CSMD1: variants seen among roughly 807,000 people sequenced by gnomAD.
CSMD1 encodes the protein CUB and sushi domain-containing protein 1.
In CSMD1, 213 loss-of-function variants were observed where a neutral mutation model predicts 417.5. The ratio of observed to expected loss-of-function variants is 0.51; its 90% confidence interval spans 0.46 to 0.57. CSMD1 has a LOEUF of 0.57. Ranked by LOEUF, CSMD1 falls within the 20% of genes least tolerant of loss-of-function variation. The pLI, the probability that CSMD1 is intolerant of heterozygous loss-of-function variation, is 0.00. For synonymous variants in CSMD1, 2,862 were observed against 1,736.8 expected (o/e 1.65, Z -16.11); for missense variants, 6,923 against 4,529.7 (o/e 1.53, Z -15.17).
chr8:3,141,940 GGC>G (rs1478615134), intron 41 of CSMD1, among the ~76,000 whole-genome samples: 1 of 151,694 alleles, frequency 6.6e-6, no homozygotes, highest in Non-Finnish European at 1.5e-5. Context: ...TGGGACTACA[GGC>G]GCCCGCCACT....
In CSMD1 at chr8:3,896,628, C is replaced by T. The variant is rs111283776; in HGVS notation, c.818+101275G>A. Among the ~76,000 whole-genome samples, 3 of 152,066 alleles carry T rather than the reference C, an allele frequency of 2.0e-5. No individual in the cohort carries two copies. In the South Asian group the frequency reaches 6.2e-4, roughly 32 times the overall value. ...CCAGGTTCACGCCATTCTCCTGCCT[C>T]AGCCTCCCGAGTAGCTGGGACTACA... On this transcript the variant is annotated intron_variant, in intron 5 of 69. Transcript: ENST00000635120.
chr8:4,513,855 T>C (rs1802958195), intron 2 of CSMD1, among the ~76,000 whole-genome samples: 2 of 152,170 alleles, frequency 1.3e-5, no homozygotes, highest in African/African-American at 4.8e-5. Flanking sequence ...ATAAAATTAT[T>C]TTCCTCTCTA....
intron 2 of CSMD1, among the ~76,000 whole-genome samples, chr8:4,511,727 C>A (rs927210074): frequency 6.6e-6 from 1 of 152,084 alleles, no homozygotes; most frequent in Non-Finnish European, 1.5e-5. Context: ...GCTCAGTGTT[C>A]CCCAAGAGAA....
chr8:3,188,541 A>G lies in CSMD1; in HGVS notation c.5523+346T>C, dbSNP rs947868884. Among the ~76,000 whole-genome samples the G allele has an allele frequency of 5.9e-5, 9 of 151,980 alleles. 1 individual carries two copies. The South Asian group carries it at 6.2e-4, about 11-fold the overall frequency. Reference sequence around the variant, plus strand: ...AGGCTAGTCTTGAACTCCTGACATCAAGTGATCTTCCTGTCTTGGCTTCCC... The same window carrying G: ...AGGCTAGTCTTGAACTCCTGACATCGAGTGATCTTCCTGTCTTGGCTTCCC... On this transcript the variant is annotated intron_variant, in intron 35 of 69. Coordinates refer to ENST00000635120, the MANE Select transcript of CSMD1 (RefSeq NM_033225.6).
chr8:4,318,159 T>A (rs1722513893), intron 3 of CSMD1, among the ~76,000 whole-genome samples: 1 of 152,276 alleles, frequency 6.6e-6, no homozygotes, highest in Non-Finnish European at 1.5e-5. Context: ...AATATGAACA[T>A]TCTAATATTG....
intron 5 of CSMD1, among the ~76,000 whole-genome samples, chr8:3,968,211 A>C (rs1217731109): frequency 6.6e-6 from 1 of 150,498 alleles, no homozygotes; most frequent in Non-Finnish European, 1.5e-5. Flanking sequence ...ATAATAATAA[A>C]TAATAAAAAA....
At chr8:4,352,190 G>A (rs923765682) in intron 3 of CSMD1, among the ~76,000 whole-genome samples, 3 of 152,070 alleles carry the variant, frequency 2.0e-5, no homozygotes, top group African/African-American at 2.4e-5. Flanking sequence ...CATTGCCTGG[G>A]ATGAATAAGC....
chr8:2,949,546 A>T (rs1335654368), intron 67 of CSMD1, among the ~76,000 whole-genome samples, 160 bp from the exon 68 acceptor site: 3 of 107,808 alleles, frequency 2.8e-5, no homozygotes, highest in Non-Finnish European at 5.8e-5. Context: ...ACACATTTAT[A>T]GTTAAAGATC....
intron 3 of CSMD1, among the ~76,000 whole-genome samples, chr8:4,238,443 C>T (rs1447419338): frequency 2.6e-5 from 4 of 152,070 alleles, no homozygotes; most frequent in Admixed American, 2.6e-4. Context: ...ACTGTGATTC[C>T]CTCATGGACA....
intron 21 of CSMD1, among the ~76,000 whole-genome samples, chr8:3,354,987 T>G (rs78857226): frequency 1.1e-5 from 1 of 92,922 alleles, no homozygotes; most frequent in African/African-American, 5.6e-5. Context: ...AGATATAAAT[T>G]AAACTAGATA....
At chr8:4,059,078 T>A (rs1798840182) in intron 3 of CSMD1, among the ~76,000 whole-genome samples, 1 of 152,044 alleles carries the variant, frequency 6.6e-6, no homozygotes, top group Admixed American at 6.6e-5. Flanking sequence ...AGAACAGAAA[T>A]TATAACAAAC....
rs568402650 is a variant in CSMD1, at chr8:4,052,753, T to A, written c.416-20654A>T. Among the ~76,000 whole-genome samples the A allele has an allele frequency of 1.1e-4, 16 of 151,240 alleles. No individual in the cohort carries two copies. In the East Asian group the frequency reaches 1.2e-3, roughly 11 times the overall value. ...CACCACATGATAAAAGAACAAGTTT[T>A]AAAAAAAAATGGGATATCTGAGGAC... On this transcript the variant is annotated intron_variant, in intron 3 of 69. Transcript: ENST00000635120.
chr8:3,337,322 TG>T (rs1469664309), intron 23 of CSMD1, among the ~76,000 whole-genome samples: 10 of 152,236 alleles, frequency 6.6e-5, no homozygotes, highest in African/African-American at 2.4e-4. Flanking sequence ...TAAACCTTTT[TG>T]TATCTATTCA....
chr8:3,447,558 C>G (rs894382119), intron 12 of CSMD1, among the ~76,000 whole-genome samples: 2 of 152,164 alleles, frequency 1.3e-5, no homozygotes, highest in African/African-American at 4.8e-5. Context: ...AACCACTGTT[C>G]ACAGAGGGCG....
chr8:4,048,538 C>T (rs770586083), intron 3 of CSMD1, among the ~76,000 whole-genome samples: 3 of 152,110 alleles, frequency 2.0e-5, no homozygotes, highest in Non-Finnish European at 4.4e-5. Context: ...GGTTTATAAA[C>T]CAAGTAAAAG....
At chr8:4,731,158 C>T (rs965322329) in intron 1 of CSMD1, among the ~76,000 whole-genome samples, 3 of 152,158 alleles carry the variant, frequency 2.0e-5, no homozygotes, top group African/African-American at 7.2e-5. Flanking sequence ...ATTTAACTTT[C>T]CGAGCTGTAA....
chr8:4,024,635 C>T (rs371989811), intron 4 of CSMD1, among the ~76,000 whole-genome samples: 1 of 152,154 alleles, frequency 6.6e-6, no homozygotes, highest in Admixed American at 6.5e-5. Flanking sequence ...CAAGCAGGAT[C>T]TTGCATTTAT....
At chr8:3,449,748 C>T (rs893735672) in intron 12 of CSMD1, among the ~76,000 whole-genome samples, 6 of 152,118 alleles carry the variant, frequency 3.9e-5, no homozygotes, top group Non-Finnish European at 5.9e-5. Flanking sequence ...AAACTCTTGA[C>T]CTCAGGTGAT....
At chr8:4,230,245 T>G (rs1714675) in intron 3 of CSMD1, among the ~76,000 whole-genome samples, 15,117 of 152,226 alleles carry the variant, frequency 0.099, 889 homozygotes, top group Middle Eastern at 0.18. Context: ...TGCTCTACAA[T>G]AGATTTATAT....
Sources: gnomAD v4.1 joint callset for allele counts (sites outside exome capture counted in the v4.1 genomes callset) on GRCh38, gnomAD v4.1.1 for gene constraint, MANE v1.5 for transcripts, NCBI Gene and HGNC (gene_info 2026-07-23, HGNC 2026-07-21) for gene names.